JAKMIP1: variants seen among roughly 807,000 people sequenced by gnomAD.
The protein encoded by JAKMIP1 is janus kinase and microtubule interacting protein 1, also known as janus kinase and microtubule-interacting protein 1.
Under a neutral mutation model 113.0 loss-of-function variants are expected in JAKMIP1, and 33 were observed. The observed-to-expected ratio is 0.29, with a 90% CI of 0.22 to 0.39. JAKMIP1 has a LOEUF of 0.39. JAKMIP1 is among the 10% of genes least tolerant of loss of function. The pLI is 1.00. For missense variants in JAKMIP1, 813 were observed against 1,080.5 expected (o/e 0.75, Z 3.47); for synonymous variants, 480 against 459.9 (o/e 1.04, Z -0.56).
chr4:6,047,852 C>T (rs1034931666), intron 16 of JAKMIP1, among the ~76,000 whole-genome samples: 2 of 152,182 alleles, frequency 1.3e-5, no homozygotes, highest in Non-Finnish European at 2.9e-5. Context: ...TTCTAACACA[C>T]CATAAACCAG....
Position 6,080,645 on chromosome 4 carries a change from C to T in JAKMIP1, c.1102-333G>A, listed in dbSNP as rs1720376421. ...CTTGGCTCTCAGTCTGTCTTGTCTGCCGCCAAGTAAGATGTGCCTTTAGCT... is the reference window on the plus strand; with the variant it reads ...CTTGGCTCTCAGTCTGTCTTGTCTGTCGCCAAGTAAGATGTGCCTTTAGCT... On this transcript the variant is annotated intron_variant, in intron 6 of 20. Coordinates refer to ENST00000409021, the MANE Select transcript of JAKMIP1 (RefSeq NM_001099433.2). The surrounding 1 kb of genome is among the most constrained non-coding windows in gnomAD (Gnocchi z 6.0). Among the ~76,000 whole-genome samples the T allele has an allele frequency of 6.6e-6, 1 of 152,144 alleles. No homozygotes were observed. Among genetic ancestry groups the T allele is most frequent in the Admixed American group, 6.5e-5 (1 of 15,276 alleles).
chr4:6,079,644 C>T (rs1472552036), intron 7 of JAKMIP1, among the ~76,000 whole-genome samples: 2 of 152,156 alleles, frequency 1.3e-5, no homozygotes, highest in Non-Finnish European at 2.9e-5. Context: ...GGATGCAATT[C>T]TCCACCGCTT....
Position 6,088,260 on chromosome 4 carries a change from G to A in JAKMIP1, c.625-2631C>T, listed in dbSNP as rs1258256103. On this transcript the variant is annotated intron_variant, in intron 3 of 20. Coordinates refer to ENST00000409021, the MANE Select transcript of JAKMIP1 (RefSeq NM_001099433.2). This position sits in a 1 kb window ranked among gnomAD's most constrained non-coding sequence, Gnocchi z 5.5. ...ACATTGTAGTGATTGAGAGTGATTT[G>A]TGCTATGAGGGGGAAAAAAAACAAT... Among the ~76,000 whole-genome samples the A allele has an allele frequency of 6.6e-6, 1 of 152,168 alleles. No homozygotes were observed. Among genetic ancestry groups the A allele is most frequent in the Non-Finnish European group, 1.5e-5 (1 of 68,028 alleles).
intron 1 of JAKMIP1, among the ~76,000 whole-genome samples, chr4:6,125,013 AG>A (rs1717210071): frequency 6.6e-6 from 1 of 152,180 alleles, no homozygotes; most frequent in Non-Finnish European, 1.5e-5. Flanking sequence ...TAGGTCACAG[AG>A]GGAGTAGGAG....
chr4:6,109,905 G>A (rs1714632273), intron 2 of JAKMIP1, among the ~76,000 whole-genome samples: 1 of 152,176 alleles, frequency 6.6e-6, no homozygotes, highest in Admixed American at 6.5e-5. Flanking sequence ...TCTCCCAGCA[G>A]CCAGATGGGT....
At chr4:6,104,133 T>C (rs1713523803) in intron 3 of JAKMIP1, among the ~76,000 whole-genome samples, 1 of 152,218 alleles carries the variant, frequency 6.6e-6, no homozygotes, top group South Asian at 2.1e-4. Flanking sequence ...AATTTTGAAA[T>C]GCGGTCTACA....
intron 1 of JAKMIP1, among the ~76,000 whole-genome samples, chr4:6,173,771 GA>G (rs1725017052): frequency 6.6e-6 from 1 of 152,288 alleles, no homozygotes; most frequent in Admixed American, 6.5e-5. Context: ...TGAAGAAAAG[GA>G]CGTTTATAAA....
At chr4:6,036,930 C>T (rs114126265) in intron 18 of JAKMIP1, among the ~76,000 whole-genome samples, 1,558 of 148,624 alleles carry the variant, frequency 0.01, 24 homozygotes, top group Non-Finnish European at 0.018. Flanking sequence ...CCTCCATCAC[C>T]GAGGTAGAGG....
intron 19 of JAKMIP1, among the ~76,000 whole-genome samples, chr4:6,032,009 T>A (rs1314096289): frequency 6.6e-6 from 1 of 152,122 alleles, no homozygotes; most frequent in Non-Finnish European, 1.5e-5. Context: ...GGCAACCCCC[T>A]CACATGCAGG....
Position 6,199,088 on chromosome 4 carries a change from T to C in JAKMIP1, c.-148+1165A>G, listed in dbSNP as rs1728159616. Among the ~76,000 whole-genome samples the C allele has an allele frequency of 6.6e-6, 1 of 152,240 alleles. No homozygotes were observed. Among genetic ancestry groups the C allele is most frequent in the Admixed American group, 6.5e-5 (1 of 15,288 alleles). On this transcript the variant is annotated intron_variant, in intron 1 of 20. Coordinates refer to ENST00000409021, the MANE Select transcript of JAKMIP1 (RefSeq NM_001099433.2). The surrounding 1 kb of genome is among the most constrained non-coding windows in gnomAD (Gnocchi z 5.6). ...GGAGGGGCAAGGGGATCTCCCTGAC[T>C]ACAAGGAGCTGGCCAGCTGAAGTTA...
chr4:6,139,744 T>C lies in JAKMIP1; in HGVS notation c.-147-26747A>G, dbSNP rs1032998257. On this transcript the variant is annotated intron_variant, in intron 1 of 20. Coordinates refer to ENST00000409021, the MANE Select transcript of JAKMIP1 (RefSeq NM_001099433.2). This position sits in a 1 kb window ranked among gnomAD's most constrained non-coding sequence, Gnocchi z 5.2. ...CCATGCCACTGTGCTCCAGCCTGGGTGACAGAGTGAGACTCCATCTCAAAA... is the reference window on the plus strand; with the variant it reads ...CCATGCCACTGTGCTCCAGCCTGGGCGACAGAGTGAGACTCCATCTCAAAA... Among the ~76,000 whole-genome samples the C allele has an allele frequency of 1.3e-5, 2 of 150,012 alleles. No homozygotes were observed. Among genetic ancestry groups the C allele is most frequent in the Non-Finnish European group, 2.9e-5 (2 of 67,950 alleles).
intron 1 of JAKMIP1, among the ~76,000 whole-genome samples, chr4:6,175,899 T>C (rs1725290817): frequency 6.6e-6 from 1 of 152,238 alleles, no homozygotes; most frequent in Non-Finnish European, 1.5e-5. Context: ...TCTGAACCAG[T>C]TTCCTGGGGT....
In JAKMIP1 at chr4:6,188,965, G is replaced by A. The variant is rs147690984; in HGVS notation, c.-148+11288C>T. Among the ~76,000 whole-genome samples the A allele has an allele frequency of 4.6e-5, 7 of 152,176 alleles. No individual in the cohort carries two copies. The highest frequency in any genetic ancestry group is 1.4e-4 in the African/African-American group (6 of 41,434). ...ATATCTGGTTTGCAAAAAGAACCTC[G>A]TCAAGCCCTGAGCCTGGAAGGCTCC... On this transcript the variant is annotated intron_variant, in intron 1 of 20. Transcript: ENST00000409021. The surrounding 1 kb of genome is among the most constrained non-coding windows in gnomAD (Gnocchi z 5.8).
intron 19 of JAKMIP1, among the ~76,000 whole-genome samples, chr4:6,030,375 T>A (rs1712460410): frequency 6.6e-6 from 1 of 152,112 alleles, no homozygotes; most frequent in South Asian, 2.1e-4. Flanking sequence ...TGCCCAGGAC[T>A]TTCCTGGTGT....
At chr4:6,182,410 GAA>G (rs56678982) in intron 1 of JAKMIP1, among the ~76,000 whole-genome samples, 19,963 of 119,810 alleles carry the variant, frequency 0.17, 1,447 homozygotes, top group Middle Eastern at 0.23. Flanking sequence ...CCCTGTCTCA[GAA>G]AAAAAAAAAA....
At chr4:6,169,548 G>C (rs1020390514) in intron 1 of JAKMIP1, among the ~76,000 whole-genome samples, 97 of 151,536 alleles carry the variant, frequency 6.4e-4, no homozygotes, top group African/African-American at 2.3e-3. Flanking sequence ...GTGAGAGAAT[G>C]CATTTGTTTT....
At position 6,186,527 on chromosome 4, in the gene JAKMIP1, G is replaced by A. The variant is rs1343527432; in HGVS notation, c.-148+13726C>T. On this transcript the variant is annotated intron_variant, in intron 1 of 20. Transcript: ENST00000409021. This position sits in a 1 kb window ranked among gnomAD's most constrained non-coding sequence, Gnocchi z 5.5. ...TCATTGCATTGTAGTCACAGAACGTGCTTTGCTTTTTTGTTTGCTTGTTTT... is the reference window on the plus strand; with the variant it reads ...TCATTGCATTGTAGTCACAGAACGTACTTTGCTTTTTTGTTTGCTTGTTTT... 6.6e-6 allele frequency among the ~76,000 whole-genome samples: 1 copy of A among 152,158 alleles called. No homozygotes were observed. Among genetic ancestry groups the A allele is most frequent in the African/African-American group, 2.4e-5 (1 of 41,420 alleles).
In JAKMIP1 at chr4:6,162,242, C is replaced by T. The variant is rs142889351; in HGVS notation, c.-148+38011G>A. On this transcript the variant is annotated intron_variant, in intron 1 of 20. Transcript: ENST00000409021. This position sits in a 1 kb window ranked among gnomAD's most constrained non-coding sequence, Gnocchi z 5.6. ...ACCACTGGTCTTATGAGGAATGGGA[C>T]CTCTCAGCTGCTGGAAGGCCTACCT... Among the ~76,000 whole-genome samples, 1 of 152,178 alleles carries T rather than the reference C, an allele frequency of 6.6e-6. No individual in the cohort carries two copies.
chr4:6,054,865 T>C, intron 12 of JAKMIP1: 30 of 456,644 alleles, frequency 6.6e-5, no homozygotes, highest in South Asian at 4.3e-4. Flanking sequence ...TACAGAAGGC[T>C]AGAGGGGGGC....
Sources: allele counts gnomAD v4.1 joint callset (sites outside exome capture counted in the v4.1 genomes callset), GRCh38; gene constraint gnomAD v4.1.1; non-coding constraint Gnocchi (gnomAD v3.1); transcripts MANE v1.5; gene names NCBI Gene and HGNC (gene_info 2026-07-23, HGNC 2026-07-21).